Variants in DAB1 observed in about 807,000 individuals in gnomAD.
DAB1 encodes disabled homolog 1.
Under a neutral mutation model 64.6 loss-of-function variants are expected in DAB1, and 15 were observed. The observed-to-expected ratio is 0.23, with a 90% CI of 0.16 to 0.36. The LOEUF (loss-of-function observed/expected upper bound fraction) is 0.36, where lower values mean the gene tolerates loss of function less well. Ranked by LOEUF, DAB1 falls within the 10% of genes least tolerant of loss-of-function variation. DAB1 has a pLI of 1.00. For missense variants in DAB1, 596 were observed against 706.7 expected (o/e 0.84, Z 1.78); for synonymous variants, 235 against 251.9 (o/e 0.93, Z 0.64).
chr1:57,553,118 T>A (rs72914825), intron 7 of DAB1, among the ~76,000 whole-genome samples: 1,723 of 151,874 alleles, frequency 0.011, 45 homozygotes, highest in African/African-American at 0.04. Context: ...GAGTAAATGG[T>A]CAAGGTTTGC....
chr1:58,239,779 T>C (rs1480120017), intron 4 of DAB1, among the ~76,000 whole-genome samples: 2 of 151,762 alleles, frequency 1.3e-5, no homozygotes, highest in East Asian at 1.9e-4. Context: ...GAGCTGAAAA[T>C]GAGGAATAAA....
intron 5 of DAB1, among the ~76,000 whole-genome samples, chr1:57,900,178 C>A (rs754125445): frequency 3.3e-5 from 5 of 152,056 alleles, no homozygotes; most frequent in Non-Finnish European, 7.4e-5. Context: ...TGAGGATAAA[C>A]ACTGCAAGTG....
chr1:57,476,569 G>A (rs930116406), intron 7 of DAB1, among the ~76,000 whole-genome samples: 6 of 152,168 alleles, frequency 3.9e-5, no homozygotes, highest in African/African-American at 9.7e-5. Context: ...GGCAGCCAAT[G>A]TGAAGGGTTA....
At chr1:58,003,858 T>A (rs1646541981) in intron 5 of DAB1, among the ~76,000 whole-genome samples, 1 of 152,238 alleles carries the variant, frequency 6.6e-6, no homozygotes, top group Non-Finnish European at 1.5e-5. Flanking sequence ...TTGCTCTGCC[T>A]GGTTCTAAGT....
intron 1 of DAB1, among the ~76,000 whole-genome samples, chr1:57,328,476 G>A (rs1160336606): frequency 6.6e-6 from 1 of 152,136 alleles, no homozygotes; most frequent in Non-Finnish European, 1.5e-5. Context: ...TTGATCCTCC[G>A]AGGATGGAAA....
At chr1:57,213,913 T>C (rs913339726) in intron 2 of DAB1, among the ~76,000 whole-genome samples, 1 of 152,218 alleles carries the variant, frequency 6.6e-6, no homozygotes, top group African/African-American at 2.4e-5. Flanking sequence ...GCAAGCCCCA[T>C]GCTAGGCACT....
At chr1:57,229,578 T>A (rs1178057283) in intron 2 of DAB1, among the ~76,000 whole-genome samples, 1 of 152,198 alleles carries the variant, frequency 6.6e-6, no homozygotes, top group Non-Finnish European at 1.5e-5. Context: ...GGATAGTGAC[T>A]GTACTGATGT....
chr1:58,428,958 T>C (rs900742799), intron 3 of DAB1, among the ~76,000 whole-genome samples: 1 of 152,248 alleles, frequency 6.6e-6, no homozygotes, highest in Non-Finnish European at 1.5e-5. Flanking sequence ...ACAAGGGAAC[T>C]TTCTGGAGTA....
intron 6 of DAB1, among the ~76,000 whole-genome samples, chr1:57,688,231 C>T (rs574322959): frequency 8.4e-4 from 127 of 151,940 alleles, no homozygotes; most frequent in Middle Eastern, 3.4e-3. Flanking sequence ...AGACAATCTC[C>T]CCCTCCAAAA....
At chr1:57,019,525 C>G (rs558814364) in intron 11 of DAB1, among the ~76,000 whole-genome samples, 50 of 152,244 alleles carry the variant, frequency 3.3e-4, no homozygotes, top group African/African-American at 1.1e-3. Flanking sequence ...GCCTGCAGGT[C>G]CCACTCACTT....
chr1:57,370,212 GTCTTTTAAC>G (rs1030685279), intron 1 of DAB1, among the ~76,000 whole-genome samples: 2 of 152,174 alleles, frequency 1.3e-5, no homozygotes, highest in African/African-American at 4.8e-5. Context: ...GCTGACTGCT[GTCTTTTAAC>G]TCAACACAGA....
At chr1:58,378,112 G>A (rs1644347918) in intron 3 of DAB1, among the ~76,000 whole-genome samples, 1 of 130,196 alleles carries the variant, frequency 7.7e-6, no homozygotes, top group Non-Finnish European at 1.7e-5. Flanking sequence ...CAACTTCTTT[G>A]CCTTTGGTTT....
intron 4 of DAB1, among the ~76,000 whole-genome samples, chr1:57,133,295 T>C (rs1657791245): frequency 3.3e-5 from 5 of 152,190 alleles, no homozygotes. Flanking sequence ...AAAGTTGTAA[T>C]AATTCTATGG....
chr1:57,026,834 A>G (rs1646805108), intron 9 of DAB1, among the ~76,000 whole-genome samples: 1 of 152,180 alleles, frequency 6.6e-6, no homozygotes, highest in East Asian at 1.9e-4. Flanking sequence ...GCAGCTAAAG[A>G]AACCCTTTAA....
intron 6 of DAB1, among the ~76,000 whole-genome samples, chr1:57,696,339 T>G (rs1318119678): frequency 2.9e-5 from 4 of 138,542 alleles, no homozygotes; most frequent in Non-Finnish European, 4.6e-5. Flanking sequence ...CTGTGGGAGA[T>G]GTGGGAAGCA....
intron 5 of DAB1, among the ~76,000 whole-genome samples, chr1:58,068,514 C>A (rs186210782): frequency 6.6e-5 from 10 of 152,080 alleles, no homozygotes; most frequent in East Asian, 5.8e-4. Flanking sequence ...GCCTGTAATC[C>A]CAGCACTTTG....
chr1:57,233,707 C>T (rs980328931), intron 2 of DAB1, among the ~76,000 whole-genome samples: 7 of 151,292 alleles, frequency 4.6e-5, no homozygotes, highest in Admixed American at 3.9e-4. Context: ...TTCAGTGAGC[C>T]GAGATCGTGC....
At chr1:58,147,883 A>G (rs942025746) in intron 5 of DAB1, among the ~76,000 whole-genome samples, 5 of 151,232 alleles carry the variant, frequency 3.3e-5, no homozygotes, top group Non-Finnish European at 5.9e-5. Flanking sequence ...TTAAAAAACT[A>G]TCCTGTCAAC....
At chr1:57,764,867 C>A (rs1477630892) in intron 6 of DAB1, among the ~76,000 whole-genome samples, 2 of 151,942 alleles carry the variant, frequency 1.3e-5, no homozygotes, top group Non-Finnish European at 2.9e-5. Context: ...GAAAAGAAGA[C>A]TGAGATAAAT....
Sources: allele counts gnomAD v4.1 joint callset (sites outside exome capture counted in the v4.1 genomes callset), GRCh38; gene constraint gnomAD v4.1.1; transcripts MANE v1.5; gene names NCBI Gene and HGNC (gene_info 2026-07-23, HGNC 2026-07-21).